Variants in MIS18A observed in about 807,000 individuals in gnomAD.
MIS18A encodes the protein MIS18 kinetochore protein A, also known as protein Mis18-alpha.
Under a neutral mutation model 25.0 loss-of-function variants are expected in MIS18A, and 14 were observed. The observed-to-expected ratio is 0.56, with a 90% CI of 0.37 to 0.88. The LOEUF (loss-of-function observed/expected upper bound fraction) is 0.88, where lower values mean the gene tolerates loss of function less well. Ranked by LOEUF, MIS18A falls within the 40% of genes least tolerant of loss-of-function variation. The pLI is 0.00. For synonymous variants in MIS18A, 134 were observed against 118.6 expected (o/e 1.13, Z -0.84); for missense variants, 292 against 290.8 (o/e 1.00, Z -0.03).
At chr21:32,181,136 A>G in the MIS18A span, among the ~76,000 whole-genome samples, 7 of 152,320 alleles carry the variant, frequency 4.6e-5, no homozygotes, top group East Asian at 1.4e-3. Context: ...TGAGTAGAAC[A>G]AAAAAGCAGA....
At chr21:32,208,139 C>T in the MIS18A span, among the ~76,000 whole-genome samples, 5 of 152,208 alleles carry the variant, frequency 3.3e-5, no homozygotes, top group Non-Finnish European at 7.3e-5. Flanking sequence ...GTCTCTCTCT[C>T]TCTCTCTGAG....
At chr21:32,182,019 C>T in the MIS18A span, among the ~76,000 whole-genome samples, 2 of 152,208 alleles carry the variant, frequency 1.3e-5, no homozygotes, top group Non-Finnish European at 2.9e-5. Flanking sequence ...CAGTAAAATG[C>T]TTAGCAAGGG....
At chr21:32,222,732 C>G in the MIS18A span, among the ~76,000 whole-genome samples, 1 of 132,358 alleles carries the variant, frequency 7.6e-6, no homozygotes, top group Non-Finnish European at 1.6e-5. Context: ...GAGATCAAGA[C>G]CATCCTGGCT....
At position 32,278,692 on chromosome 21, in the gene MIS18A, A is replaced by T. The variant is rs749274567; in HGVS notation, c.323T>A (p.Ile108Asn). ...TCGACCCAACTGACAGCGAAGCAGG[A>T]TGCAGTTGGTGTCCTCCTGGCTGGC... The part of the protein sequence containing the change: ...WVASQEDTNC[I>N]LLRCVSCNVS... The change falls in exon 1 of 5, where the codon ATC (isoleucine) becomes AAC (asparagine). Residue 108 changes from isoleucine to asparagine, a missense_variant. Physicochemically the swap from Ile to Asn is moderately radical, Grantham distance 149. Transcript: ENST00000290130. The T allele has an allele frequency of 6.4e-7, 1 of 1,561,692 alleles. No homozygotes were observed. The highest frequency in any genetic ancestry group is 1.2e-5 in the South Asian group (1 of 86,138).
the MIS18A span, among the ~76,000 whole-genome samples, chr21:32,206,166 G>A: frequency 6.6e-6 from 1 of 152,086 alleles, no homozygotes; most frequent in African/African-American, 2.4e-5. Flanking sequence ...TGTGATTCAG[G>A]CACCACCTAA....
intron 1 of MIS18A, among the ~76,000 whole-genome samples, chr21:32,277,686 A>T (rs2031841587): frequency 6.6e-6 from 1 of 152,140 alleles, no homozygotes; most frequent in Admixed American, 6.5e-5. Flanking sequence ...TTCATTCACC[A>T]TGTTGGCAAG....
chr21:32,271,918 G>T lies in MIS18A; in HGVS notation c.402-1389C>A, dbSNP rs529757511. On this transcript the variant is annotated intron_variant, in intron 2 of 4. Transcript: ENST00000290130. The stretch of plus-strand genomic sequence containing the variant: ...ATATCTAATGTCATCAGCCAAGAAA[G>T]GACACTCAGAGAAACCAGAGGCTTG... Among the ~76,000 whole-genome samples, 6 of 152,250 alleles carry T rather than the reference G, an allele frequency of 3.9e-5. No individual in the cohort carries two copies. The South Asian group carries it at 6.2e-4, about 16-fold the overall frequency.
the MIS18A span, among the ~76,000 whole-genome samples, chr21:32,232,963 A>G: frequency 6.6e-6 from 1 of 152,220 alleles, no homozygotes; most frequent in Non-Finnish European, 1.5e-5. Context: ...CCTGAAAATG[A>G]TCATTTTACC....
the MIS18A span, among the ~76,000 whole-genome samples, chr21:32,179,629 T>G: frequency 1.3e-5 from 2 of 152,218 alleles, no homozygotes; most frequent in Non-Finnish European, 2.9e-5. Flanking sequence ...TTCATCTATT[T>G]TATCAGTGTT....
the MIS18A span, among the ~76,000 whole-genome samples, chr21:32,191,112 T>C: frequency 6.6e-6 from 1 of 152,232 alleles, no homozygotes; most frequent in East Asian, 1.9e-4. Flanking sequence ...ATGGCTGCAC[T>C]TCCAGTCAGC....
At chr21:32,200,391 C>T in the MIS18A span, among the ~76,000 whole-genome samples, 2 of 151,924 alleles carry the variant, frequency 1.3e-5, no homozygotes, top group African/African-American at 4.8e-5. Context: ...GCTTCTGAAG[C>T]CAGCTCTGTT....
At chr21:32,224,182 G>A in the MIS18A span, among the ~76,000 whole-genome samples, 1 of 150,706 alleles carries the variant, frequency 6.6e-6, no homozygotes, top group African/African-American at 2.5e-5. Flanking sequence ...TACTGAATGG[G>A]CAAAAACTGG....
intron 2 of MIS18A, among the ~76,000 whole-genome samples, chr21:32,272,897 G>A (rs2031739059): frequency 1.3e-5 from 2 of 152,180 alleles, no homozygotes; most frequent in Non-Finnish European, 2.9e-5. Context: ...GTAAGGAAGG[G>A]TAACAAGCAT....
chr21:32,157,242 G>GTTTTTTTTTTTTTTTTT, the MIS18A span, among the ~76,000 whole-genome samples: 1 of 15,358 alleles, frequency 6.5e-5, no homozygotes. Context: ...TTTTTTTTTG[G>GTTTTTTTTTTTTTTTTT]TAGTTTTAGT....
At chr21:32,276,724 G>A (rs1444560011) in intron 1 of MIS18A, among the ~76,000 whole-genome samples, 1 of 152,060 alleles carries the variant, frequency 6.6e-6, no homozygotes, top group South Asian at 2.1e-4. Context: ...GGGGCCAGGA[G>A]TTTGAGATCA....
the MIS18A span, among the ~76,000 whole-genome samples, chr21:32,220,750 T>G: frequency 3.9e-5 from 6 of 152,100 alleles, 2 homozygotes; most frequent in Admixed American, 3.9e-4. Flanking sequence ...TTACAGGACT[T>G]GCTAACTAGA....
the MIS18A span, among the ~76,000 whole-genome samples, chr21:32,241,073 G>C: frequency 1.3e-5 from 2 of 152,134 alleles, no homozygotes; most frequent in Non-Finnish European, 2.9e-5. Context: ...TAAATGTTAA[G>C]ATTATATTTG....
At chr21:32,155,617 T>A in the MIS18A span, among the ~76,000 whole-genome samples, 9 of 152,210 alleles carry the variant, frequency 5.9e-5, no homozygotes, top group Non-Finnish European at 1.0e-4. Context: ...AAAATTATAA[T>A]CAGGTACTTT....
At chr21:32,208,150 A>T in the MIS18A span, among the ~76,000 whole-genome samples, 2 of 151,850 alleles carry the variant, frequency 1.3e-5, no homozygotes, top group East Asian at 3.9e-4. Context: ...TCTCTCTGAG[A>T]CTCTTAACTT....
Sources: allele counts gnomAD v4.1 joint callset (sites outside exome capture counted in the v4.1 genomes callset), GRCh38; gene constraint gnomAD v4.1.1; transcripts MANE v1.5; gene names NCBI Gene and HGNC (gene_info 2026-07-23, HGNC 2026-07-21).